The following PAN3 variants were observed in gnomAD, a reference collection of about 807,000 sequenced individuals.
PAN3 encodes the protein poly(A) specific ribonuclease subunit PAN3.
In PAN3, 19 loss-of-function variants were observed where a neutral mutation model predicts 96.2. That is an observed-to-expected ratio of 0.20 (90% CI 0.14 to 0.29). The LOEUF is 0.29. PAN3 is among the 10% of genes least tolerant of loss of function. PAN3 has a pLI of 1.00. For synonymous variants in PAN3, 433 were observed against 406.6 expected (o/e 1.06, Z -0.78); for missense variants, 882 against 1,108.1 (o/e 0.80, Z 2.90).
At chr13:28,162,102 C>T (rs1872950181) in intron 1 of PAN3, among the ~76,000 whole-genome samples, 1 of 152,130 alleles carries the variant, frequency 6.6e-6, no homozygotes, top group Non-Finnish European at 1.5e-5. Flanking sequence ...CTGGGCATGC[C>T]AGTATACTGA....
intron 7 of PAN3, among the ~76,000 whole-genome samples, chr13:28,257,767 T>TTA (rs1008789873): frequency 7.2e-6 from 1 of 139,042 alleles, no homozygotes; most frequent in Non-Finnish European, 1.5e-5. Context: ...TAATTATATA[T>TTA]TATATATAAA....
intron 6 of PAN3, among the ~76,000 whole-genome samples, chr13:28,246,573 C>G (rs1884211160): frequency 1.3e-5 from 2 of 152,020 alleles, no homozygotes; most frequent in East Asian, 3.9e-4. Flanking sequence ...CTCTTCAGTC[C>G]CCCACCCACC....
chr13:28,185,706 A>G (rs1372880694), intron 4 of PAN3, among the ~76,000 whole-genome samples: 1 of 152,134 alleles, frequency 6.6e-6, no homozygotes, highest in Non-Finnish European at 1.5e-5. Context: ...ACAGTTTGTA[A>G]TACTGTTGGC....
chr13:28,260,376 A>T, intron 7 of PAN3, 71 bp from the exon 8 acceptor site: 1 of 1,204,598 alleles, frequency 8.3e-7, no homozygotes, highest in South Asian at 1.3e-5. Context: ...CCTGGGCAAC[A>T]GAGCAAGACT....
chr13:28,138,540 G>A (rs371507953), upstream of PAN3: 10 of 183,292 alleles, frequency 5.5e-5, no homozygotes, highest in East Asian at 1.6e-3. Context: ...CAGCGGGACA[G>A]ACCCACCCGC....
intron 1 of PAN3, among the ~76,000 whole-genome samples, chr13:28,149,251 G>C (rs953398259): frequency 6.6e-6 from 1 of 152,100 alleles, no homozygotes. Context: ...CTACTCAGGA[G>C]GCTGATGTGA....
chr13:28,267,227 T>G lies in PAN3; in HGVS notation c.1690+16T>G. 1 of 1,611,970 alleles carries G rather than the reference T, an allele frequency of 6.2e-7. No homozygotes were observed. Among genetic ancestry groups the G allele is most frequent in the Non-Finnish European group, 8.5e-7 (1 of 1,178,124 alleles). ...GCTGAGCCCTGTGAGTAACTTGTAA[T>G]TTGTCTTTCTGCTGGTGAGCTTCAT... On this transcript the variant is annotated intron_variant, in intron 11 of 18. Coordinates refer to ENST00000380958, the MANE Select transcript of PAN3 (RefSeq NM_175854.8).
At position 28,239,648 on chromosome 13, in the gene PAN3, T is replaced by G; in HGVS notation, c.1001-16644T>G. ...CCTACAATTCATGAAACTGACTGAT[T>G]CGACTAAAGGATGGATAGTTTGGGC... On this transcript the variant is annotated intron_variant, in intron 6 of 18. Coordinates refer to ENST00000380958, the MANE Select transcript of PAN3 (RefSeq NM_175854.8). The G allele has an allele frequency of 2.3e-6, 3 of 1,289,754 alleles. No homozygotes were observed. In the South Asian group the frequency reaches 3.7e-5, roughly 16 times the overall value. The allele number at this position is 1,289,754 out of a possible 1,614,324, so 79.9% of individuals were successfully genotyped here.
At chr13:28,200,501 A>G (rs45455791) in intron 5 of PAN3, among the ~76,000 whole-genome samples, 14,300 of 152,230 alleles carry the variant, frequency 0.094, 846 homozygotes, top group African/African-American at 0.17. Flanking sequence ...GCAGTCATTC[A>G]TACTGCATTT....
chr13:28,285,573 T>TC (rs1398066848), intron 17 of PAN3, among the ~76,000 whole-genome samples: 61 of 152,186 alleles, frequency 4.0e-4, no homozygotes, highest in African/African-American at 1.3e-3. Context: ...GTCCTTCAGT[T>TC]CTGGGACATG....
chr13:28,173,567 T>G (rs1874577557), intron 1 of PAN3, among the ~76,000 whole-genome samples: 2 of 152,230 alleles, frequency 1.3e-5, no homozygotes, highest in Non-Finnish European at 2.9e-5. Context: ...TTTTGTAGTT[T>G]GCTTCTTACT....
chr13:28,178,780 T>G (rs1875382871), intron 4 of PAN3, among the ~76,000 whole-genome samples: 1 of 152,168 alleles, frequency 6.6e-6, no homozygotes, highest in South Asian at 2.1e-4. Flanking sequence ...TGATATGAAC[T>G]TAAGATACTT....
chr13:28,261,312 ATAT>A, intron 8 of PAN3, 86 bp from the exon 9 acceptor site: 1 of 893,076 alleles, frequency 1.1e-6, no homozygotes, highest in East Asian at 3.0e-5. Context: ...TATGCCAAAA[ATAT>A]TAATACTTAG....
At chr13:28,194,450 G>GTGTATATA (rs1555276517) in intron 4 of PAN3, among the ~76,000 whole-genome samples, 35 of 100,050 alleles carry the variant, frequency 3.5e-4, no homozygotes, top group African/African-American at 1.4e-3. Context: ...ATATATGTAT[G>GTGTATATA]TATATATATA....
intron 6 of PAN3, among the ~76,000 whole-genome samples, chr13:28,254,330 G>C (rs1884971717): frequency 6.6e-6 from 1 of 152,182 alleles, no homozygotes. Flanking sequence ...ACCTCACAGG[G>C]TGGTTGTGAG....
chr13:28,162,076 T>C (rs1872945134), intron 1 of PAN3, among the ~76,000 whole-genome samples: 1 of 152,254 alleles, frequency 6.6e-6, no homozygotes, highest in South Asian at 2.1e-4. Context: ...TAAGTAGATT[T>C]GGCACCTAAT....
intron 4 of PAN3, among the ~76,000 whole-genome samples, chr13:28,191,568 C>T (rs894774533): frequency 6.6e-6 from 1 of 152,142 alleles, no homozygotes; most frequent in Admixed American, 6.5e-5. Context: ...GTCAGTAGTA[C>T]TGAAGTTGAG....
At chr13:28,184,073 C>A (rs1237526456) in intron 4 of PAN3, among the ~76,000 whole-genome samples, 1 of 152,116 alleles carries the variant, frequency 6.6e-6, no homozygotes, top group Non-Finnish European at 1.5e-5. Flanking sequence ...CAGGCCTCCT[C>A]CTCCCCCAGT....
chr13:28,198,414 A>T (rs982134524), intron 5 of PAN3, among the ~76,000 whole-genome samples: 1 of 152,222 alleles, frequency 6.6e-6, no homozygotes, highest in Non-Finnish European at 1.5e-5. Context: ...AATTATATGT[A>T]AACAAACTTG....
Sources: gnomAD v4.1 joint callset for allele counts (sites outside exome capture counted in the v4.1 genomes callset) on GRCh38, gnomAD v4.1.1 for gene constraint, MANE v1.5 for transcripts, NCBI Gene and HGNC (gene_info 2026-07-23, HGNC 2026-07-21) for gene names.